RARA: variants seen among roughly 807,000 people sequenced by gnomAD.
RARA encodes the protein PML-DDX5-RARA fusion.
RARA carries 5 observed loss-of-function variants against 42.8 expected under a neutral mutation model. The observed-to-expected ratio is 0.12, with a 90% confidence interval of 0.06 to 0.25. The LOEUF is 0.25. Among genes scored for constraint, RARA ranks in the 10% least tolerant of loss-of-function variants. RARA has a pLI of 1.00. For missense variants in RARA, 402 were observed against 628.7 expected (o/e 0.64, Z 3.86); for synonymous variants, 256 against 259.5 (o/e 0.99, Z 0.13).
intron 2 of RARA, chr17:40,342,532 G>C: frequency 2.3e-6 from 3 of 1,315,042 alleles, no homozygotes; most frequent in Non-Finnish European, 2.9e-6. Flanking sequence ...AGCGGCCGGC[G>C]GACTTAGACG....
At chr17:40,346,312 C>G (rs1015491856) in intron 2 of RARA, among the ~76,000 whole-genome samples, 1 of 152,036 alleles carries the variant, frequency 6.6e-6, no homozygotes, top group African/African-American at 2.4e-5. Context: ...CTCTGTACCC[C>G]CAAAGCTCCC....
At position 40,353,596 on chromosome 17, in the gene RARA, A is replaced by G. The variant is rs1040174459; in HGVS notation, c.808-706A>G. ...CTCAGCCTCCTGAGTAGCTGGGATT[A>G]CAGGCACCCGCCACCACACCCGGCT... On this transcript the variant is annotated intron_variant, in intron 6 of 8. Transcript: ENST00000254066. 4.7e-4 allele frequency among the ~76,000 whole-genome samples: 72 copies of G among 152,132 alleles called. 1 individual carries two copies. Among genetic ancestry groups the G allele is most frequent in the Non-Finnish European group, 1.5e-4 (10 of 68,028 alleles).
At chr17:40,341,853 C>G (rs1274150550) in intron 2 of RARA, 2 of 1,041,460 alleles carry the variant, frequency 1.9e-6, no homozygotes, top group African/African-American at 1.7e-5. Flanking sequence ...GGACGCCCGC[C>G]CCTCTTCCGT....
chr17:40,310,143 T>C (rs146093691), intron 1 of RARA, among the ~76,000 whole-genome samples: 4 of 152,284 alleles, frequency 2.6e-5, no homozygotes, highest in Admixed American at 1.3e-4. Context: ...TTTCAGAATC[T>C]CAGGCTCCTG....
Position 40,331,062 on chromosome 17 carries a change from C to T in RARA, c.-157C>T. 4.7e-6 allele frequency: 4 copies of T among 843,284 alleles called. No homozygotes were observed. Among genetic ancestry groups the T allele is most frequent in the Non-Finnish European group, 7.1e-6 (4 of 562,366 alleles). The allele number at this position is 843,284 out of a possible 1,614,324, so 52.2% of individuals were successfully genotyped here. On this transcript the variant is annotated 5_prime_UTR_variant, in exon 2 of 9. Transcript: ENST00000254066. Reference sequence around the variant, plus strand: ...GGGGCTCCAGGAGACTGAGATTAGCCTGCCCTCTTTGGACAGCAGCTCCAG... The same window carrying T: ...GGGGCTCCAGGAGACTGAGATTAGCTTGCCCTCTTTGGACAGCAGCTCCAG...
chr17:40,331,244 C>T lies in RARA; in HGVS notation c.26C>T (p.Pro9Leu), dbSNP rs762408148. The stretch of plus-strand genomic sequence containing the variant: ...ATGGCCAGCAACAGCAGCTCCTGCC[C>T]GACACCTGGGGGCGGGCACCTCAAT... Reference protein sequence around the residue: MASNSSSCPTPGGGHLNGY... With the variant: MASNSSSCLTPGGGHLNGY... Residue 9 changes from proline (P) to leucine (L), a missense_variant, in exon 2 of 9, where the codon CCG becomes CTG. Physicochemically the swap from Pro to Leu is moderately conservative, Grantham distance 98. Transcript: ENST00000254066. 54 of 1,612,808 alleles carry T rather than the reference C, an allele frequency of 3.3e-5. No individual in the cohort carries two copies. The highest frequency in any genetic ancestry group is 4.2e-5 in the Non-Finnish European group (50 of 1,179,728).
intron 1 of RARA, among the ~76,000 whole-genome samples, chr17:40,315,049 G>A (rs1372218292): frequency 6.7e-6 from 1 of 149,542 alleles, no homozygotes; most frequent in African/African-American, 2.5e-5. Flanking sequence ...GTTTGATTTG[G>A]AGTAAGTAGG....
Position 40,320,822 on chromosome 17 carries a change from C to T in RARA, c.-362-10035C>T, listed in dbSNP as rs563744665. Among the ~76,000 whole-genome samples the T allele has an allele frequency of 6.6e-6, 1 of 152,280 alleles. No homozygotes were observed. Among genetic ancestry groups the T allele is most frequent in the South Asian group, 2.1e-4 (1 of 4,830 alleles). On this transcript the variant is annotated intron_variant, in intron 1 of 8. Coordinates refer to ENST00000254066, the MANE Select transcript of RARA (RefSeq NM_000964.4). The surrounding 1 kb of genome is among the most constrained non-coding windows in gnomAD (Gnocchi z 4.1). ...TGATAGGCATCTGGGGATGGTAATCCTGTCCCTGCGACAAATAAGCGGGGT... is the reference window on the plus strand; with the variant it reads ...TGATAGGCATCTGGGGATGGTAATCTTGTCCCTGCGACAAATAAGCGGGGT...
intron 3 of RARA, 191 bp from the exon 4 acceptor site, chr17:40,349,593 T>A (rs994723713): frequency 2.5e-5 from 16 of 644,156 alleles, no homozygotes; most frequent in African/African-American, 3.7e-5. Context: ...AGGCAGGTAC[T>A]GGGATTCTCC....
Position 40,349,697 on chromosome 17 carries a change from G to A in RARA, c.328-87G>A, listed in dbSNP as rs539172401. 15 of 1,541,498 alleles carry A rather than the reference G, an allele frequency of 9.7e-6. No individual in the cohort carries two copies. The Admixed American group carries it at 2.6e-4, about 27-fold the overall frequency. On this transcript the variant is annotated intron_variant, in intron 3 of 8. Coordinates refer to ENST00000254066, the MANE Select transcript of RARA (RefSeq NM_000964.4). The stretch of plus-strand genomic sequence containing the variant: ...AACGCTTGGGGGCAGCAGCTGGCCT[G>A]GCCCTCCTCCCCTAGACTGAGACCG...
intron 1 of RARA, among the ~76,000 whole-genome samples, chr17:40,321,937 C>T (rs935432722): frequency 6.6e-6 from 1 of 152,164 alleles, no homozygotes; most frequent in Admixed American, 6.5e-5. Flanking sequence ...GCCTGATGAC[C>T]CCCACCCCCA....
chr17:40,352,981 C>T lies in RARA; in HGVS notation c.807+474C>T, dbSNP rs1270942564. 2.0e-5 allele frequency among the ~76,000 whole-genome samples: 3 copies of T among 152,142 alleles called. No homozygotes were observed. Among genetic ancestry groups the T allele is most frequent in the East Asian group, 3.9e-4 (2 of 5,188 alleles). On this transcript the variant is annotated intron_variant, in intron 6 of 8. Transcript: ENST00000254066. This position sits in a 1 kb window ranked among gnomAD's most constrained non-coding sequence, Gnocchi z 4.9. ...TTCGAGCTGGGTGTCAGGAACCCAG[C>T]GGTGAATGCACCACCATCCCCTCTC...
chr17:40,353,261 C>CA (rs1456352225), intron 6 of RARA, among the ~76,000 whole-genome samples: 3 of 150,274 alleles, frequency 2.0e-5, no homozygotes, highest in Non-Finnish European at 4.4e-5. Flanking sequence ...GAGGTGAGCC[C>CA]GAGGGTAGAC....
Position 40,355,454 on chromosome 17 carries a change from C to A in RARA, c.1171+33C>A, listed in dbSNP as rs1488801271. Reference sequence around the variant, plus strand: ...TCACAGACCTGGAGGGGTACCGGCCCCCGACACCTGGCCCAGGCCCCCACA... The same window carrying A: ...TCACAGACCTGGAGGGGTACCGGCCACCGACACCTGGCCCAGGCCCCCACA... On this transcript the variant is annotated intron_variant, in intron 8 of 8. Transcript: ENST00000254066. This position sits in a 1 kb window ranked among gnomAD's most constrained non-coding sequence, Gnocchi z 4.1. 3 of 1,585,240 alleles carry A rather than the reference C, an allele frequency of 1.9e-6. No individual in the cohort carries two copies. In the South Asian group the frequency reaches 3.4e-5, roughly 18 times the overall value.
chr17:40,355,942 G>C lies in RARA; in HGVS notation c.1172-67G>C. On this transcript the variant is annotated intron_variant, in intron 8 of 8. Transcript: ENST00000254066. This position sits in a 1 kb window ranked among gnomAD's most constrained non-coding sequence, Gnocchi z 4.1. ...TATTGATCTTCCCACCTCGAGCCAG[G>C]CTTGCTGGGGCTGGGGGTGGGAGGG... 7.1e-7 allele frequency: 1 copy of C among 1,411,854 alleles called. No homozygotes were observed. The highest frequency in any genetic ancestry group is 9.6e-7 in the Non-Finnish European group (1 of 1,037,850). The allele number at this position is 1,411,854 out of a possible 1,614,324, so 87.5% of individuals were successfully genotyped here.
chr17:40,322,086 T>C (rs927305418), intron 1 of RARA, among the ~76,000 whole-genome samples: 1 of 151,930 alleles, frequency 6.6e-6, no homozygotes, highest in Non-Finnish European at 1.5e-5. Context: ...GGAGCTCAGC[T>C]CTGGGCCAGT....
chr17:40,331,453 A>G, intron 2 of RARA, 57 bp downstream of exon 2: 4 of 1,556,272 alleles, frequency 2.6e-6, no homozygotes, highest in Non-Finnish European at 3.5e-6. Context: ...GGCAGGCCTC[A>G]GAGCTTGGGC....
intron 1 of RARA, chr17:40,322,892 G>C (rs903155366): frequency 2.0e-4 from 31 of 152,056 alleles, no homozygotes; most frequent in African/African-American, 7.5e-4. Flanking sequence ...TCCCCAGGGG[G>C]TGCAAACAAT....
At chr17:40,325,296 T>TAAATAAATAAAA (rs1555570457) in intron 1 of RARA, among the ~76,000 whole-genome samples, 1 of 149,204 alleles carries the variant, frequency 6.7e-6, no homozygotes, top group African/African-American at 2.5e-5. Context: ...AATAAATAAA[T>TAAATAAATAAAA]AAAAAGAGGC....
Sources: allele counts gnomAD v4.1 joint callset (sites outside exome capture counted in the v4.1 genomes callset), GRCh38; gene constraint gnomAD v4.1.1; non-coding constraint Gnocchi (gnomAD v3.1); transcripts MANE v1.5; gene names NCBI Gene and HGNC (gene_info 2026-07-23, HGNC 2026-07-21).